NXN: variants seen among roughly 807,000 people sequenced by gnomAD.
NXN encodes the protein nucleoredoxin.
In NXN, 16 loss-of-function variants were observed where a neutral mutation model predicts 48.6. That is an observed-to-expected ratio of 0.33 (90% CI 0.22 to 0.50). The LOEUF (loss-of-function observed/expected upper bound fraction) is 0.50, where lower values mean the gene tolerates loss of function less well. Ranked by LOEUF, NXN falls within the 20% of genes least tolerant of loss-of-function variation. The pLI, the probability that NXN is intolerant of heterozygous loss-of-function variation, is 0.98. For synonymous variants in NXN, 281 were observed against 269.6 expected, an observed-to-expected ratio of 1.04 and a Z score of -0.41; for missense variants, 492 against 605.5, an observed-to-expected ratio of 0.81 and a Z score of 1.97.
chr17:953,594 T>A (rs961597730), intron 1 of NXN, among the ~76,000 whole-genome samples: 28 of 152,196 alleles, frequency 1.8e-4, no homozygotes, highest in African/African-American at 6.8e-4. Context: ...TATAAACCTA[T>A]GTCAAGTTCA....
chr17:806,670 G>A (rs1022040274), intron 5 of NXN, among the ~76,000 whole-genome samples: 43 of 152,258 alleles, frequency 2.8e-4, no homozygotes, highest in African/African-American at 1.0e-3. Context: ...AGATTCCCAA[G>A]GATTCGGTCA....
chr17:863,827 C>CA (rs2068066349), intron 1 of NXN: 2 of 810,462 alleles, frequency 2.5e-6, no homozygotes, highest in Non-Finnish European at 3.9e-6. Context: ...CCTTGCAATT[C>CA]AAATCCACGT....
Position 866,716 on chromosome 17 carries a change from T to C in NXN, c.361-40638A>G, listed in dbSNP as rs1597676327. Among the ~76,000 whole-genome samples, 3 of 152,340 alleles carry C rather than the reference T, an allele frequency of 2.0e-5. 1 individual carries two copies. The East Asian group carries it at 5.8e-4, about 29-fold the overall frequency. ...AAAGTCCTGGCAGCCTCTAACGTTG[T>C]TCAATTTCAGCCCAGACCCTATCAA... is the stretch of plus-strand genomic sequence containing the variant. On this transcript the variant is annotated intron_variant, in intron 1 of 7. Coordinates refer to ENST00000336868, the MANE Select transcript of NXN (RefSeq NM_022463.5).
At chr17:910,391 GAC>G (rs1261425255) in intron 1 of NXN, among the ~76,000 whole-genome samples, 1 of 150,380 alleles carries the variant, frequency 6.6e-6, no homozygotes, top group African/African-American at 2.4e-5. Context: ...CAGCCTGGGT[GAC>G]AGAGTGAGAC....
chr17:888,578 G>A (rs561562919), intron 1 of NXN, among the ~76,000 whole-genome samples: 1 of 152,112 alleles, frequency 6.6e-6, no homozygotes, highest in Non-Finnish European at 1.5e-5. Flanking sequence ...TCAGACAATT[G>A]CTATTATCAA....
intron 1 of NXN, among the ~76,000 whole-genome samples, chr17:886,039 C>T (rs1275922583): frequency 2.0e-5 from 3 of 151,984 alleles, no homozygotes; most frequent in Non-Finnish European, 4.4e-5. Context: ...AGGCTCCAAA[C>T]GCAGCTCAAA....
rs76316458 is a variant in NXN at position 917,436 on chromosome 17, G to A, written c.360+61883C>T. Reference sequence around the variant, plus strand: ...GCCTCTGAAAGAACAGGCGGGAGCCGCCGCTCACATCTTTACTCATGAACC... The same window carrying A: ...GCCTCTGAAAGAACAGGCGGGAGCCACCGCTCACATCTTTACTCATGAACC... On this transcript the variant is annotated intron_variant, in intron 1 of 7. Transcript: ENST00000336868. The surrounding 1 kb of genome is among the most constrained non-coding windows in gnomAD (Gnocchi z 4.5). Among the ~76,000 whole-genome samples, 297 of 152,304 alleles carry A rather than the reference G, an allele frequency of 2.0e-3. No homozygotes were observed. Among genetic ancestry groups the A allele is most frequent in the Middle Eastern group, 3.4e-3 (1 of 294 alleles).
intron 1 of NXN, among the ~76,000 whole-genome samples, chr17:963,261 T>A (rs1021622169): frequency 6.6e-5 from 8 of 121,330 alleles, no homozygotes; most frequent in South Asian, 2.5e-4. Flanking sequence ...TTATTTGAAA[T>A]TTTTTTTTTA....
At position 952,935 on chromosome 17, in the gene NXN, G is replaced by A. The variant is rs147229360; in HGVS notation, c.360+26384C>T. ...CAGCAGAGCCAGGACCCACTTCTCC[G>A]TCCTGGAAGACGCAATGAGATAATA... On this transcript the variant is annotated intron_variant, in intron 1 of 7. Coordinates refer to ENST00000336868, the MANE Select transcript of NXN (RefSeq NM_022463.5). Among the ~76,000 whole-genome samples the A allele has an allele frequency of 3.4e-3, 519 of 152,230 alleles. 2 individuals carry two copies. The South Asian group carries it at 0.046, about 14-fold the overall frequency.
At chr17:921,886 G>C (rs2068753661) in intron 1 of NXN, among the ~76,000 whole-genome samples, 1 of 152,172 alleles carries the variant, frequency 6.6e-6, no homozygotes, top group Admixed American at 6.5e-5. Context: ...GGCTCTACCT[G>C]CCCGCAGTCT....
chr17:952,211 C>T (rs2069120918), intron 1 of NXN, among the ~76,000 whole-genome samples: 1 of 120,848 alleles, frequency 8.3e-6, no homozygotes, highest in South Asian at 2.9e-4. Flanking sequence ...GGTTGGAACC[C>T]GGCAGGTACC....
chr17:840,371 G>A (rs536428074), intron 1 of NXN, among the ~76,000 whole-genome samples: 97 of 151,660 alleles, frequency 6.4e-4, no homozygotes, highest in African/African-American at 2.3e-3. Flanking sequence ...ACGGAGTCTC[G>A]CTCTGCCGCC....
chr17:973,015 A>G (rs1292625774), intron 1 of NXN, among the ~76,000 whole-genome samples: 1 of 150,216 alleles, frequency 6.7e-6, no homozygotes, highest in Non-Finnish European at 1.5e-5. Flanking sequence ...TGGGCGACAG[A>G]GCGAGACTGC....
chr17:870,395 GATCAGAGTGAGGCGGCCTAAGGGAGC>G lies in NXN; in HGVS notation c.361-44343_361-44318del, dbSNP rs531980569. On this transcript the variant is annotated intron_variant, in intron 1 of 7. Transcript: ENST00000336868. ...CTGAATTGTCTCACTGTTATCACGT[GATCAGAGTGAGGCGGCCTAAGGGAGC>G]ATCACAGGATGGGAAGGGCCAGGTT... 6.3e-3 allele frequency among the ~76,000 whole-genome samples: 964 copies of G among 152,272 alleles called. 16 individuals carry two copies. The highest frequency in any genetic ancestry group is 5.5e-3 in the Non-Finnish European group (375 of 68,024).
At chr17:876,844 C>G (rs531807630) in intron 1 of NXN, among the ~76,000 whole-genome samples, 2 of 152,050 alleles carry the variant, frequency 1.3e-5, no homozygotes, top group East Asian at 3.9e-4. Flanking sequence ...GTCGGGAGTT[C>G]GAGACCAGCC....
chr17:963,873 C>T (rs1424000956), intron 1 of NXN, among the ~76,000 whole-genome samples: 2 of 151,246 alleles, frequency 1.3e-5, no homozygotes, highest in Admixed American at 1.3e-4. Context: ...GTCAGGAGAT[C>T]GAGACCATCG....
At chr17:813,753 G>A (rs913433375) in intron 5 of NXN, among the ~76,000 whole-genome samples, 1 of 151,976 alleles carries the variant, frequency 6.6e-6, no homozygotes, top group Non-Finnish European at 1.5e-5. Flanking sequence ...CACATCACGA[G>A]GTCAGGAGTT....
In NXN at chr17:954,442, A is replaced by G. The variant is rs111740939; in HGVS notation, c.360+24877T>C. On this transcript the variant is annotated intron_variant, in intron 1 of 7. Transcript: ENST00000336868. Reference sequence around the variant, plus strand: ...GATACCTAAATTCTCTCTCGAGTCAAGTGGCAGGTCTGACCCGGCAGCCTC... The same window carrying G: ...GATACCTAAATTCTCTCTCGAGTCAGGTGGCAGGTCTGACCCGGCAGCCTC... Among the ~76,000 whole-genome samples the G allele has an allele frequency of 9.4e-3, 1,436 of 152,320 alleles. 22 individuals carry two copies. Among genetic ancestry groups the G allele is most frequent in the African/African-American group, 0.033 (1,384 of 41,568 alleles).
chr17:853,002 G>C (rs1341264551), intron 1 of NXN, among the ~76,000 whole-genome samples: 2 of 151,292 alleles, frequency 1.3e-5, no homozygotes, highest in Non-Finnish European at 2.9e-5. Context: ...TTTTGAGACA[G>C]AGTCTCACTT....
Sources: gnomAD v4.1 joint callset for allele counts (sites outside exome capture counted in the v4.1 genomes callset) on GRCh38, gnomAD v4.1.1 for gene constraint, Gnocchi (gnomAD v3.1) non-coding constraint, MANE v1.5 for transcripts, NCBI Gene and HGNC (gene_info 2026-07-23, HGNC 2026-07-21) for gene names.